The following XKR6 variants were observed in gnomAD, a reference collection of about 807,000 sequenced individuals.
XKR6 encodes the protein XK related 6.
XKR6 carries 22 observed loss-of-function variants against 56.7 expected under a neutral mutation model. The observed-to-expected ratio is 0.39, with a 90% CI of 0.28 to 0.55. XKR6 has a LOEUF of 0.55. XKR6 is among the 20% of genes least tolerant of loss of function. XKR6 has a pLI of 0.66. For missense variants in XKR6, 852 were observed against 889.0 expected (o/e 0.96, Z 0.53); for synonymous variants, 524 against 387.8 (o/e 1.35, Z -4.13).
intron 1 of XKR6, among the ~76,000 whole-genome samples, chr8:11,195,709 C>A (rs1408152177): frequency 6.7e-6 from 1 of 149,428 alleles, no homozygotes; most frequent in Non-Finnish European, 1.5e-5. Flanking sequence ...AGTGCAGTGG[C>A]GCGAACTTGG....
At chr8:11,185,687 T>C (rs1803238617) in intron 1 of XKR6, among the ~76,000 whole-genome samples, 1 of 152,226 alleles carries the variant, frequency 6.6e-6, no homozygotes, top group Non-Finnish European at 1.5e-5. Context: ...AGATCCAATC[T>C]TTCCTCAACC....
At chr8:11,076,766 G>A (rs537264367) in intron 1 of XKR6, among the ~76,000 whole-genome samples, 1 of 152,296 alleles carries the variant, frequency 6.6e-6, no homozygotes, top group South Asian at 2.1e-4. Flanking sequence ...GGAGTGGCCT[G>A]GCCAACTCTG....
At chr8:11,024,841 C>G (rs1006713512) in intron 1 of XKR6, among the ~76,000 whole-genome samples, 1 of 152,352 alleles carries the variant, frequency 6.6e-6, no homozygotes, top group African/African-American at 2.4e-5. Context: ...TGGGAACTTC[C>G]AGAAGTGGAC....
chr8:10,955,209 T>G (rs1172937980), intron 1 of XKR6, among the ~76,000 whole-genome samples: 2 of 152,052 alleles, frequency 1.3e-5, no homozygotes, highest in Non-Finnish European at 2.9e-5. Flanking sequence ...TACTTGTGAT[T>G]ATGGCAATGC....
Position 10,952,096 on chromosome 8 carries a change from C to T in XKR6, c.765-27266G>A, listed in dbSNP as rs114659892. ...GGTCCACGGCATGACCTCCTGCAGC[C>T]CTCCTGCCCCTCTCCAGGCTTTTTC... On this transcript the variant is annotated intron_variant, in intron 1 of 2. Coordinates refer to ENST00000416569, the MANE Select transcript of XKR6 (RefSeq NM_173683.4). Among the ~76,000 whole-genome samples, 1,159 of 152,264 alleles carry T rather than the reference C, an allele frequency of 7.6e-3. 15 individuals carry two copies. The highest frequency in any genetic ancestry group is 0.027 in the African/African-American group (1,110 of 41,538).
At chr8:11,013,884 G>A (rs1798554581) in intron 1 of XKR6, among the ~76,000 whole-genome samples, 1 of 152,208 alleles carries the variant, frequency 6.6e-6, no homozygotes, top group South Asian at 2.1e-4. Flanking sequence ...CAGCCCACCT[G>A]TACCGGAGCC....
At chr8:11,158,096 C>T (rs911385092) in intron 1 of XKR6, among the ~76,000 whole-genome samples, 1 of 152,134 alleles carries the variant, frequency 6.6e-6, no homozygotes, top group African/African-American at 2.4e-5. Context: ...AATTCTGAAC[C>T]ACCCAACTTG....
At chr8:11,070,972 A>G (rs1370491122) in intron 1 of XKR6, among the ~76,000 whole-genome samples, 1 of 152,226 alleles carries the variant, frequency 6.6e-6, no homozygotes, top group Non-Finnish European at 1.5e-5. Context: ...CTGGGGCGCT[A>G]TCCCAAGAAG....
chr8:10,999,233 C>A (rs1798185286), intron 1 of XKR6, among the ~76,000 whole-genome samples: 1 of 152,198 alleles, frequency 6.6e-6, no homozygotes, highest in Non-Finnish European at 1.5e-5. Flanking sequence ...AAAGTGGCAA[C>A]AAGTTGTATA....
At chr8:11,108,414 CT>C (rs1798761290) in intron 1 of XKR6, 1 of 437,220 alleles carries the variant, frequency 2.3e-6, no homozygotes, top group African/African-American at 2.0e-5. Context: ...AAAAGTCACA[CT>C]TAGGGAGAAA....
chr8:10,956,843 C>G (rs1025566709), intron 1 of XKR6, among the ~76,000 whole-genome samples: 14 of 152,206 alleles, frequency 9.2e-5, no homozygotes, highest in African/African-American at 3.4e-4. Context: ...CAGGTAAGAC[C>G]TCTCTCCTCT....
rs552317701 is a variant in XKR6, at chr8:10,920,604, G to A, written c.961+4030C>T. ...ACTAAACTGATTTTCTTTAAGGCTT[G>A]TACATTTCCTGCAGCTTAAAAAGAT... On this transcript the variant is annotated intron_variant, in intron 2 of 2. Coordinates refer to ENST00000416569, the MANE Select transcript of XKR6 (RefSeq NM_173683.4). 1.5e-4 allele frequency among the ~76,000 whole-genome samples: 23 copies of A among 152,268 alleles called. 1 individual carries two copies. In the South Asian group the frequency reaches 3.1e-3, roughly 21 times the overall value.
chr8:10,971,143 C>T lies in XKR6; in HGVS notation c.765-46313G>A, dbSNP rs538060097. On this transcript the variant is annotated intron_variant, in intron 1 of 2. Coordinates refer to ENST00000416569, the MANE Select transcript of XKR6 (RefSeq NM_173683.4). ...TGTGTTTTAAAATTACAAGCAGCGC[C>T]GGGCACGGTGGCTCACGCCTGTAAT... Among the ~76,000 whole-genome samples, 10 of 151,572 alleles carry T rather than the reference C, an allele frequency of 6.6e-5. No individual in the cohort carries two copies. The East Asian group carries it at 7.9e-4, about 12-fold the overall frequency.
At chr8:11,063,529 A>AAAAAT (rs1799899425) in intron 1 of XKR6, among the ~76,000 whole-genome samples, 1 of 151,838 alleles carries the variant, frequency 6.6e-6, no homozygotes, top group South Asian at 2.1e-4. Context: ...AAAAAAAAAA[A>AAAAAT]AAAAGTCCTA....
At chr8:10,994,503 G>A (rs552828913) in intron 1 of XKR6, among the ~76,000 whole-genome samples, 1 of 152,344 alleles carries the variant, frequency 6.6e-6, no homozygotes, top group East Asian at 1.9e-4. Context: ...GGCTCTGCAA[G>A]GCGCCTGTCC....
At chr8:10,986,388 G>C (rs1273645740) in intron 1 of XKR6, among the ~76,000 whole-genome samples, 1 of 152,140 alleles carries the variant, frequency 6.6e-6, no homozygotes, top group African/African-American at 2.4e-5. Flanking sequence ...AATATAACAT[G>C]ATGCCCAGAA....
intron 1 of XKR6, among the ~76,000 whole-genome samples, chr8:11,075,812 G>A (rs1319139183): frequency 6.6e-6 from 1 of 152,122 alleles, no homozygotes; most frequent in Non-Finnish European, 1.5e-5. Context: ...GGCAGAGGTT[G>A]CAGTGAGCTG....
Position 11,093,589 on chromosome 8 carries a change from G to T in XKR6, c.764+106987C>A, listed in dbSNP as rs1456263084. ...GCAACATGGTCCTTTTCTTCTTCTTGAAATTCTCTAAGATGCCTTCAAATT... is the reference window on the plus strand; with the variant it reads ...GCAACATGGTCCTTTTCTTCTTCTTTAAATTCTCTAAGATGCCTTCAAATT... On this transcript the variant is annotated intron_variant, in intron 1 of 2. Coordinates refer to ENST00000416569, the MANE Select transcript of XKR6 (RefSeq NM_173683.4). Among the ~76,000 whole-genome samples the T allele has an allele frequency of 2.6e-5, 4 of 152,168 alleles. No homozygotes were observed. The East Asian group carries it at 7.7e-4, about 29-fold the overall frequency.
intron 1 of XKR6, among the ~76,000 whole-genome samples, chr8:10,992,327 C>T (rs926342227): frequency 1.3e-5 from 2 of 152,054 alleles, no homozygotes; most frequent in African/African-American, 4.8e-5. Context: ...CAGAGACCAA[C>T]AGATTTTAGT....
Sources: allele counts gnomAD v4.1 joint callset (sites outside exome capture counted in the v4.1 genomes callset), GRCh38; gene constraint gnomAD v4.1.1; transcripts MANE v1.5; gene names NCBI Gene and HGNC (gene_info 2026-07-23, HGNC 2026-07-21).